Variants in PTPRO observed in about 807,000 individuals in gnomAD.
PTPRO encodes the protein protein tyrosine phosphatase receptor type O.
A neutral mutation model predicts 145.2 loss-of-function variants in PTPRO; 62 were observed. That is an observed-to-expected ratio of 0.43 (90% CI 0.35 to 0.53). The LOEUF (loss-of-function observed/expected upper bound fraction) is 0.53, where lower values mean the gene tolerates loss of function less well. PTPRO is among the 20% of genes least tolerant of loss of function. The pLI is 0.01. For synonymous variants in PTPRO, 565 were observed against 514.7 expected (o/e 1.10, Z -1.32); for missense variants, 1,345 against 1,482.7 (o/e 0.91, Z 1.53).
At chr12:15,368,499 T>C (rs890624620) in intron 1 of PTPRO, among the ~76,000 whole-genome samples, 3 of 152,194 alleles carry the variant, frequency 2.0e-5, no homozygotes, top group Non-Finnish European at 4.4e-5. Flanking sequence ...TTCTACAATG[T>C]AGGCAAGGGT....
At chr12:15,369,784 G>A (rs865965649) in intron 1 of PTPRO, among the ~76,000 whole-genome samples, 20 of 152,260 alleles carry the variant, frequency 1.3e-4, no homozygotes, top group Middle Eastern at 6.8e-3. Context: ...GGGCATGGTG[G>A]CTCATGCCTG....
chr12:15,440,583 A>C (rs1394789290), intron 1 of PTPRO, among the ~76,000 whole-genome samples: 2 of 152,186 alleles, frequency 1.3e-5, no homozygotes, highest in Non-Finnish European at 2.9e-5. Context: ...GTCACAGCCC[A>C]GGTGCTGTGG....
intron 12 of PTPRO, among the ~76,000 whole-genome samples, chr12:15,541,573 C>G (rs1473654905): frequency 1.3e-5 from 2 of 152,184 alleles, no homozygotes; most frequent in African/African-American, 4.8e-5. Flanking sequence ...TGCAGATGAT[C>G]ACTTTGTAAC....
intron 1 of PTPRO, among the ~76,000 whole-genome samples, chr12:15,425,627 C>T (rs1031754367): frequency 6.6e-6 from 1 of 152,108 alleles, no homozygotes; most frequent in Non-Finnish European, 1.5e-5. Context: ...GCAATGTATT[C>T]TTGTGCATGA....
chr12:15,576,377 T>TA (rs1944185505), intron 19 of PTPRO, among the ~76,000 whole-genome samples: 2 of 152,190 alleles, frequency 1.3e-5, no homozygotes, highest in South Asian at 2.1e-4. Context: ...CTTATCAACT[T>TA]AGAGTATTTA....
At chr12:15,562,258 C>A (rs887087396) in intron 17 of PTPRO, among the ~76,000 whole-genome samples, 1 of 152,114 alleles carries the variant, frequency 6.6e-6, no homozygotes, top group Non-Finnish European at 1.5e-5. Context: ...CTCACACAAC[C>A]ACTCCAATTC....
At chr12:15,398,182 A>G (rs1298074816) in intron 1 of PTPRO, among the ~76,000 whole-genome samples, 1 of 152,182 alleles carries the variant, frequency 6.6e-6, no homozygotes, top group Admixed American at 6.5e-5. Context: ...TGCTAACAAC[A>G]TCATTAGGAG....
intron 9 of PTPRO, chr12:15,517,185 A>G: frequency 1.7e-6 from 1 of 575,360 alleles, no homozygotes; most frequent in Non-Finnish European, 3.1e-6. Context: ...AAGCCTCACA[A>G]TCATGACAGA....
At chr12:15,548,774 C>T (rs1156486361) in intron 13 of PTPRO, among the ~76,000 whole-genome samples, 1 of 151,964 alleles carries the variant, frequency 6.6e-6, no homozygotes, top group Non-Finnish European at 1.5e-5. Flanking sequence ...ATATTGATAG[C>T]TAAGGTAAAA....
At chr12:15,488,511 A>T (rs1379868235) in intron 2 of PTPRO, among the ~76,000 whole-genome samples, 1 of 152,190 alleles carries the variant, frequency 6.6e-6, no homozygotes, top group East Asian at 1.9e-4. Context: ...TATTTTTCTA[A>T]CTGAAAGCTT....
chr12:15,356,199 C>A (rs1365423419), intron 1 of PTPRO, among the ~76,000 whole-genome samples: 2 of 152,282 alleles, frequency 1.3e-5, no homozygotes, highest in African/African-American at 2.4e-5. Flanking sequence ...TTAGAGAAAT[C>A]ATGGCACATA....
In PTPRO at chr12:15,434,286, T is replaced by C. The variant is rs11056482; in HGVS notation, c.76-49688T>C. Among the ~76,000 whole-genome samples, 813 of 152,326 alleles carry C rather than the reference T, an allele frequency of 5.3e-3. 51 individuals are homozygous for C. In the East Asian group the frequency reaches 0.14, roughly 26 times the overall value. Reference sequence around the variant, plus strand: ...AAGTTCAAATGCACTAATTTTCAATTTCATATCAAATTTCAAAATACTTTT... The same window carrying C: ...AAGTTCAAATGCACTAATTTTCAATCTCATATCAAATTTCAAAATACTTTT... On this transcript the variant is annotated intron_variant, in intron 1 of 26. Transcript: ENST00000281171.
At chr12:15,588,196 A>G (rs1414378417) in intron 24 of PTPRO, among the ~76,000 whole-genome samples, 1 of 152,222 alleles carries the variant, frequency 6.6e-6, no homozygotes, top group Non-Finnish European at 1.5e-5. Context: ...AGTTCTGGAT[A>G]TGACTTTACA....
Position 15,497,372 on chromosome 12 carries a change from A to G in PTPRO, c.477A>G (p.Glu159=). The change falls in exon 3 of 27, where the codon GAA becomes GAG. Residue 159 remains glutamate (E), a synonymous_variant. Coordinates refer to ENST00000281171, the MANE Select transcript of PTPRO (RefSeq NM_030667.3). ...VFTRVNISYW[E]GKDFRTMLYK... ...CAAGAGTGAACATTAGCTACTGGGA[A>G]GGTAAAGACTTCCGGACAATGCTAT... 1.2e-6 allele frequency: 2 copies of G among 1,613,530 alleles called. No homozygotes were observed. Among genetic ancestry groups the G allele is most frequent in the Non-Finnish European group, 1.7e-6 (2 of 1,179,604 alleles).
chr12:15,420,107 A>G (rs568788761), intron 1 of PTPRO, among the ~76,000 whole-genome samples: 6 of 133,622 alleles, frequency 4.5e-5, no homozygotes, highest in Non-Finnish European at 7.7e-5. Flanking sequence ...AGATCGCACC[A>G]CTGCACTCTA....
intron 1 of PTPRO, among the ~76,000 whole-genome samples, chr12:15,360,768 A>C (rs1301963446): frequency 6.7e-6 from 1 of 148,208 alleles, no homozygotes; most frequent in African/African-American, 2.5e-5. Context: ...ATGTGTGTAT[A>C]TATACGTGTG....
intron 1 of PTPRO, among the ~76,000 whole-genome samples, chr12:15,476,584 T>C (rs995682595): frequency 6.6e-6 from 1 of 151,328 alleles, no homozygotes; most frequent in South Asian, 2.1e-4. Context: ...ATCCCATTTG[T>C]CAATTTTGGC....
intron 1 of PTPRO, among the ~76,000 whole-genome samples, chr12:15,331,081 G>A (rs1022577071): frequency 5.9e-5 from 9 of 152,076 alleles, no homozygotes; most frequent in Admixed American, 2.0e-4. Context: ...GCAGTGGGCC[G>A]GAAGGGGGTC....
chr12:15,360,875 TACACACATACAC>T lies in PTPRO; in HGVS notation c.75+38076_75+38087del, dbSNP rs1565585640. Among the ~76,000 whole-genome samples the T allele has an allele frequency of 3.5e-4, 46 of 130,624 alleles. 2 individuals carry two copies. Among genetic ancestry groups the T allele is most frequent in the African/African-American group, 1.2e-3 (44 of 35,554 alleles). The allele number at this position is 130,624 out of a possible 152,430, so 85.7% of individuals were successfully genotyped here. On this transcript the variant is annotated intron_variant, in intron 1 of 26. Coordinates refer to ENST00000281171, the MANE Select transcript of PTPRO (RefSeq NM_030667.3). The stretch of plus-strand genomic sequence containing the variant: ...ATGTGTGTGTATATATGTGTGTATA[TACACACATACAC>T]ATGTGTATATACACACACATATATA...
Sources: gnomAD v4.1 joint callset for allele counts (sites outside exome capture counted in the v4.1 genomes callset) on GRCh38, gnomAD v4.1.1 for gene constraint, MANE v1.5 for transcripts, NCBI Gene and HGNC (gene_info 2026-07-23, HGNC 2026-07-21) for gene names.